Variants in EPHA3 observed in about 807,000 individuals in gnomAD.
EPHA3 encodes the protein EPH receptor A3.
In EPHA3, 42 loss-of-function variants were observed where a neutral mutation model predicts 107.1. The ratio of observed to expected loss-of-function variants is 0.39; its 90% CI spans 0.31 to 0.51. EPHA3 has a LOEUF of 0.51. Among genes scored for constraint, EPHA3 ranks in the 20% least tolerant of loss-of-function variants. The pLI is 0.78. For synonymous variants in EPHA3, 461 were observed against 424.8 expected (o/e 1.09, Z -1.05); for missense variants, 1,183 against 1,211.2 (o/e 0.98, Z 0.35).
chr3:89,295,385 ACCCT>A (rs200255374), intron 3 of EPHA3, among the ~76,000 whole-genome samples: 76,670 of 151,448 alleles, frequency 0.51, 20,565 homozygotes, highest in African/African-American at 0.69. Context: ...GAAGGGTGGC[ACCCT>A]TCAGCTGTGG....
At chr3:89,111,211 G>A (rs1471474678) in intron 1 of EPHA3, among the ~76,000 whole-genome samples, 1 of 151,896 alleles carries the variant, frequency 6.6e-6, no homozygotes, top group Admixed American at 6.6e-5. Flanking sequence ...AATATTATAA[G>A]CTTCCCTTTG....
chr3:89,195,700 G>C (rs34488799), intron 2 of EPHA3, among the ~76,000 whole-genome samples: 21,896 of 151,968 alleles, frequency 0.14, 1,725 homozygotes, highest in African/African-American at 0.22. Context: ...TGGGTGTTGG[G>C]TATCAGTAAT....
chr3:89,322,502 T>C (rs1707067115), intron 3 of EPHA3, among the ~76,000 whole-genome samples: 1 of 152,008 alleles, frequency 6.6e-6, no homozygotes, highest in Non-Finnish European at 1.5e-5. Context: ...AAAACTAAAG[T>C]ATTTGAAAGT....
intron 3 of EPHA3, among the ~76,000 whole-genome samples, chr3:89,212,796 T>G (rs1553665761): frequency 6.6e-6 from 1 of 152,072 alleles, no homozygotes; most frequent in Non-Finnish European, 1.5e-5. Context: ...CTTATTAATG[T>G]CACTGAAGAA....
At chr3:89,447,134 G>A (rs1179956699) in intron 13 of EPHA3, among the ~76,000 whole-genome samples, 1 of 152,138 alleles carries the variant, frequency 6.6e-6, no homozygotes, top group Admixed American at 6.5e-5. Context: ...ACTTGATCTA[G>A]GCATATGTAG....
At chr3:89,343,005 T>G (rs1707566317) in intron 5 of EPHA3, among the ~76,000 whole-genome samples, 1 of 152,112 alleles carries the variant, frequency 6.6e-6, no homozygotes, top group South Asian at 2.1e-4. Flanking sequence ...TCTGAGCTGG[T>G]TGTCAAGATT....
At chr3:89,232,313 T>C (rs1351159227) in intron 3 of EPHA3, among the ~76,000 whole-genome samples, 1 of 152,020 alleles carries the variant, frequency 6.6e-6, no homozygotes, top group Non-Finnish European at 1.5e-5. Context: ...GCTGATAGAT[T>C]AGAGGAAGCT....
Position 89,481,675 on chromosome 3 carries a change from A to G in EPHA3, c.*2173A>G. 8.6e-6 allele frequency: 2 copies of G among 232,238 alleles called. No individual in the cohort carries two copies. Among genetic ancestry groups the G allele is most frequent in the African/African-American group, 2.2e-5 (1 of 45,388 alleles). The allele number at this position is 232,238 out of a possible 1,614,324, so 14.4% of individuals were successfully genotyped here. ...ACCATATACTGTTCTTCATTTTATTAATATTTTTCTCCTTGACCTCTCATA... is the reference window on the plus strand; with the variant it reads ...ACCATATACTGTTCTTCATTTTATTGATATTTTTCTCCTTGACCTCTCATA... On this transcript the variant is annotated 3_prime_UTR_variant, in exon 17 of 17. Coordinates refer to ENST00000336596, the MANE Select transcript of EPHA3 (RefSeq NM_005233.6).
At chr3:89,429,513 T>C (rs1709521614) in intron 12 of EPHA3, among the ~76,000 whole-genome samples, 1 of 152,300 alleles carries the variant, frequency 6.6e-6, no homozygotes, top group Admixed American at 6.5e-5. Context: ...AATCTCAGTC[T>C]GATATAATTA....
At chr3:89,183,701 A>C (rs1187333004) in intron 2 of EPHA3, among the ~76,000 whole-genome samples, 5 of 151,932 alleles carry the variant, frequency 3.3e-5, no homozygotes, top group African/African-American at 1.2e-4. Context: ...TAAAGACTTT[A>C]TGTTCCTTTT....
intron 1 of EPHA3, among the ~76,000 whole-genome samples, chr3:89,124,609 A>G (rs1193301945): frequency 2.6e-5 from 4 of 152,220 alleles, no homozygotes. Context: ...TTTAGAAGCC[A>G]CAATGGAACT....
At chr3:89,127,905 T>C (rs1257362724) in intron 2 of EPHA3, among the ~76,000 whole-genome samples, 1 of 152,096 alleles carries the variant, frequency 6.6e-6, no homozygotes. Flanking sequence ...TGAATGACTA[T>C]AATGAGGCTT....
intron 2 of EPHA3, among the ~76,000 whole-genome samples, chr3:89,209,310 A>AT (rs1253860031): frequency 4.6e-5 from 7 of 151,442 alleles, no homozygotes; most frequent in African/African-American, 9.7e-5. Context: ...TTTACTTCAA[A>AT]TTTTTTTTTC....
In EPHA3 at chr3:89,380,971, G is replaced by GTTTTTT. The variant is rs1373969030; in HGVS notation, c.1307-14863_1307-14862insTTTTTT. Among the ~76,000 whole-genome samples, 543 of 151,146 alleles carry GTTTTTT rather than the reference G, an allele frequency of 3.6e-3. 8 individuals are homozygous for GTTTTTT. The highest frequency in any genetic ancestry group is 0.013 in the African/African-American group (514 of 40,744). On this transcript the variant is annotated intron_variant, in intron 5 of 16. Transcript: ENST00000336596. The stretch of plus-strand genomic sequence containing the variant: ...TTTTTAACCAAAGCTGCTATAGGCT[G>GTTTTTT]TTTGTTTGTTTCTTTTTTTGAGACA...
chr3:89,222,787 A>G (rs1332229003), intron 3 of EPHA3, among the ~76,000 whole-genome samples: 2 of 152,262 alleles, frequency 1.3e-5, no homozygotes, highest in South Asian at 2.1e-4. Flanking sequence ...GTTAATAAAT[A>G]TAATATGTAT....
chr3:89,111,270 T>A (rs890356370), intron 1 of EPHA3, among the ~76,000 whole-genome samples: 2 of 152,072 alleles, frequency 1.3e-5, no homozygotes, highest in Non-Finnish European at 2.9e-5. Context: ...TTTTCATTTT[T>A]AAAAATTACA....
chr3:89,269,702 C>T (rs1705620908), intron 3 of EPHA3, among the ~76,000 whole-genome samples: 1 of 150,848 alleles, frequency 6.6e-6, no homozygotes, highest in African/African-American at 2.4e-5. Context: ...GCGCTGCACC[C>T]ACTAACTTGT....
intron 3 of EPHA3, among the ~76,000 whole-genome samples, chr3:89,273,832 T>C (rs1705740035): frequency 6.6e-6 from 1 of 151,912 alleles, no homozygotes; most frequent in Non-Finnish European, 1.5e-5. Context: ...TTTTCTAACA[T>C]GTATTTTCTC....
At position 89,481,889 on chromosome 3, in the gene EPHA3, T is replaced by A. The variant is rs981980439; in HGVS notation, c.*2387T>A. The A allele has an allele frequency of 1.3e-5, 3 of 229,932 alleles. No homozygotes were observed. In the Admixed American group the frequency reaches 1.7e-4, roughly 13 times the overall value. 14.2% of individuals were successfully genotyped at this position (229,932 alleles called of 1,614,324 possible). On this transcript the variant is annotated 3_prime_UTR_variant, in exon 17 of 17. Coordinates refer to ENST00000336596, the MANE Select transcript of EPHA3 (RefSeq NM_005233.6). Reference sequence around the variant, plus strand: ...CATATGATCTGTTTTGTATCTTAAATTTGATTTACATATATTATTTATTTC... The same window carrying A: ...CATATGATCTGTTTTGTATCTTAAAATTGATTTACATATATTATTTATTTC...
Sources: allele counts gnomAD v4.1 joint callset (sites outside exome capture counted in the v4.1 genomes callset), GRCh38; gene constraint gnomAD v4.1.1; transcripts MANE v1.5; gene names NCBI Gene and HGNC (gene_info 2026-07-23, HGNC 2026-07-21).